Variants in USP24 observed in about 807,000 individuals in gnomAD.
The protein encoded by USP24 is ubiquitin carboxyl-terminal hydrolase 24.
USP24 carries 97 observed loss-of-function variants against 361.6 expected under a neutral mutation model. The observed-to-expected ratio is 0.27, with a 90% confidence interval of 0.23 to 0.32. The LOEUF (loss-of-function observed/expected upper bound fraction) is 0.32. Ranked by LOEUF, USP24 falls within the 10% of genes least tolerant of loss-of-function variation. The pLI is 1.00. For synonymous variants in USP24, 1,098 were observed against 1,124.6 expected, an observed-to-expected ratio of 0.98 and a Z score of 0.47; for missense variants, 2,353 against 3,165.6, an observed-to-expected ratio of 0.74 and a Z score of 6.16.
At chr1:55,176,990 C>T (rs1232061462) in intron 2 of USP24, among the ~76,000 whole-genome samples, 1 of 151,540 alleles carries the variant, frequency 6.6e-6, no homozygotes, top group Admixed American at 6.6e-5. Flanking sequence ...ACTTGGGAGG[C>T]TGAGGTAGGA....
intron 42 of USP24, 139 bp downstream of exon 42, chr1:55,103,732 CTTGAT>C: frequency 1.2e-6 from 1 of 831,616 alleles, no homozygotes; most frequent in Non-Finnish European, 1.8e-6. Context: ...ATAGCTTATA[CTTGAT>C]TTGAGTATGT....
In USP24 at chr1:55,111,197, A is replaced by G. The variant is rs536226238; in HGVS notation, c.4509-951T>C. ...ATACTACTGAGGGAAAATATGTACC[A>G]AACTTAGGCATTAAAAAAAGCTGTG... On this transcript the variant is annotated intron_variant, in intron 38 of 67. Coordinates refer to ENST00000294383, the MANE Select transcript of USP24 (RefSeq NM_015306.3). Among the ~76,000 whole-genome samples the G allele has an allele frequency of 1.2e-3, 190 of 152,134 alleles. 1 individual carries two copies. The highest frequency in any genetic ancestry group is 3.7e-3 in the South Asian group (18 of 4,822).
chr1:55,077,376 G>A (rs1570345081), intron 61 of USP24, 76 bp from the exon 62 acceptor site: 10 of 1,333,586 alleles, frequency 7.5e-6, no homozygotes, highest in Admixed American at 2.1e-5. Context: ...CTGGATCCAC[G>A]TTCTAGCTCT....
intron 1 of USP24, among the ~76,000 whole-genome samples, chr1:55,184,530 G>C (rs1046075021): frequency 6.6e-6 from 1 of 152,054 alleles, no homozygotes; most frequent in Non-Finnish European, 1.5e-5. Flanking sequence ...TCAGAATTAG[G>C]CAAAAGATCA....
intron 7 of USP24, among the ~76,000 whole-genome samples, chr1:55,164,599 A>G (rs758314750): frequency 6.6e-6 from 1 of 152,056 alleles, no homozygotes; most frequent in Non-Finnish European, 1.5e-5. Flanking sequence ...TATCCCCTCA[A>G]TACAACCTAA....
At chr1:55,175,148 G>A (rs558817327) in intron 3 of USP24, among the ~76,000 whole-genome samples, 3 of 150,736 alleles carry the variant, frequency 2.0e-5, no homozygotes, top group Non-Finnish European at 2.9e-5. Context: ...CTTGAATCAA[G>A]GGAGATTCTG....
chr1:55,073,643 C>G (rs534068187), intron 64 of USP24, among the ~76,000 whole-genome samples, 185 bp downstream of exon 64: 1 of 152,312 alleles, frequency 6.6e-6, no homozygotes, highest in East Asian at 1.9e-4. Context: ...ATCTGTCACT[C>G]TTTTAATACT....
In USP24 at chr1:55,099,877, AC is replaced by A; in HGVS notation, c.5272-9del. The A allele has an allele frequency of 6.5e-7, 1 of 1,535,400 alleles. No homozygotes were observed. Among genetic ancestry groups the A allele is most frequent in the Non-Finnish European group, 8.8e-7 (1 of 1,138,174 alleles). Reference sequence around the variant, plus strand: ...ATTCCACATCTTGAAAATCTATATAACAAAAATTAAATGTTTTTAAAGGAAA... The same window carrying A: ...ATTCCACATCTTGAAAATCTATATAAAAAAATTAAATGTTTTTAAAGGAAA... On this transcript the variant is annotated splice_polypyrimidine_tract_variant and intron_variant, in intron 44 of 67. Coordinates refer to ENST00000294383, the MANE Select transcript of USP24 (RefSeq NM_015306.3).
chr1:55,149,420 T>C (rs937272900), intron 16 of USP24, among the ~76,000 whole-genome samples: 2 of 152,198 alleles, frequency 1.3e-5, no homozygotes, highest in Non-Finnish European at 2.9e-5. Flanking sequence ...TGCCTCCTTG[T>C]TCTATTGAGC....
intron 38 of USP24, among the ~76,000 whole-genome samples, chr1:55,114,111 T>C (rs1057263158): frequency 7.3e-5 from 11 of 150,958 alleles, no homozygotes; most frequent in African/African-American, 1.9e-4. Flanking sequence ...ACACGAATAA[T>C]AGACAAATCA....
intron 32 of USP24, among the ~76,000 whole-genome samples, chr1:55,126,282 T>C (rs1254302115): frequency 1.3e-5 from 2 of 152,240 alleles, no homozygotes; most frequent in East Asian, 3.8e-4. Flanking sequence ...CGCTGGCTGC[T>C]CCTCTGAAAA....
chr1:55,072,020 G>T, intron 66 of USP24, 96 bp from the exon 67 acceptor site: 1 of 1,110,802 alleles, frequency 9.0e-7, no homozygotes, highest in Non-Finnish European at 1.3e-6. Flanking sequence ...ACCTTCAGTG[G>T]GACCGGAGGC....
intron 1 of USP24, among the ~76,000 whole-genome samples, chr1:55,207,652 G>A (rs1435363026): frequency 6.6e-6 from 1 of 152,156 alleles, no homozygotes; most frequent in Admixed American, 6.5e-5. Context: ...TAAAGTATAC[G>A]GGAAGATGTG....
At chr1:55,166,546 A>C in intron 6 of USP24, 22 bp downstream of exon 6, 1 of 1,575,730 alleles carries the variant, frequency 6.3e-7, no homozygotes. Context: ...GCTACATGAC[A>C]ATATTAACAA....
chr1:55,121,018 GA>G lies in USP24; in HGVS notation c.4348-263del, dbSNP rs1271787557. Among the ~76,000 whole-genome samples, 3 of 152,108 alleles carry G rather than the reference GA, an allele frequency of 2.0e-5. No individual in the cohort carries two copies. In the South Asian group the frequency reaches 6.2e-4, roughly 31 times the overall value. On this transcript the variant is annotated intron_variant, in intron 37 of 67. Coordinates refer to ENST00000294383, the MANE Select transcript of USP24 (RefSeq NM_015306.3). ...TATAACTTAATGTAAATGAAAATAA[GA>G]AAAAAGAAAGTTTAAGTTAATCCTC...
intron 1 of USP24, among the ~76,000 whole-genome samples, chr1:55,209,206 C>T (rs996760231): frequency 6.6e-6 from 1 of 152,104 alleles, no homozygotes; most frequent in African/African-American, 2.4e-5. Flanking sequence ...CTGAAATGTC[C>T]TCACATCTGA....
At chr1:55,101,759 G>GAC (rs777960982) in intron 42 of USP24, 56 bp from the exon 43 acceptor site, 229 of 1,514,594 alleles carry the variant, frequency 1.5e-4, no homozygotes, top group Non-Finnish European at 1.9e-4. Context: ...TTCTGCCACA[G>GAC]ACACATTTAC....
rs759214299 is a variant in USP24, at chr1:55,143,135, AAAATT to A, written c.2440-21_2440-17del. 10 of 1,470,438 alleles carry A rather than the reference AAAATT, an allele frequency of 6.8e-6. No homozygotes were observed. The African/African-American group carries it at 8.8e-5, about 13-fold the overall frequency. 91.1% of individuals were successfully genotyped at this position (1,470,438 alleles called of 1,614,324 possible). On this transcript the variant is annotated splice_polypyrimidine_tract_variant and intron_variant, in intron 21 of 67. Coordinates refer to ENST00000294383, the MANE Select transcript of USP24 (RefSeq NM_015306.3). ...TTTCTACATACTGTTCAAAAGAAAAAAAATTAAATTATAAAGCATATCAAGATCAC... is the reference window on the plus strand; with the variant it reads ...TTTCTACATACTGTTCAAAAGAAAAAAAATTATAAAGCATATCAAGATCAC...
chr1:55,124,347 C>T, intron 35 of USP24, 122 bp downstream of exon 35: 3 of 1,176,922 alleles, frequency 2.5e-6, no homozygotes, highest in Non-Finnish European at 1.2e-6. Context: ...TGAATTTTTA[C>T]TCATGCTCAC....
Sources: gnomAD v4.1 joint callset for allele counts (sites outside exome capture counted in the v4.1 genomes callset) on GRCh38, gnomAD v4.1.1 for gene constraint, MANE v1.5 for transcripts, NCBI Gene and HGNC (gene_info 2026-07-23, HGNC 2026-07-21) for gene names.